The following SYNPR variants were observed in gnomAD, a reference collection of about 807,000 sequenced individuals.
The protein encoded by SYNPR is synaptoporin.
In SYNPR, 23 loss-of-function variants were observed where a neutral mutation model predicts 32.9. The observed-to-expected ratio is 0.70, with a 90% CI of 0.50 to 0.99. The LOEUF (loss-of-function observed/expected upper bound fraction) is 0.99. Ranked by LOEUF, SYNPR falls within the 50% of genes least tolerant of loss-of-function variation. The pLI is 0.00. For missense variants in SYNPR, 318 were observed against 349.3 expected, an observed-to-expected ratio of 0.91 and a Z score of 0.71; for synonymous variants, 146 against 135.9, an observed-to-expected ratio of 1.07 and a Z score of -0.52.
intron 1 of SYNPR, among the ~76,000 whole-genome samples, chr3:63,238,969 A>AAAGGAATGATT (rs1217118661): frequency 6.6e-6 from 1 of 152,162 alleles, no homozygotes; most frequent in Non-Finnish European, 1.5e-5. Context: ...TTTAAAAAAT[A>AAAGGAATGATT]AAGGAATTAG....
chr3:63,262,736 G>C (rs2086449679), intron 2 of SYNPR, among the ~76,000 whole-genome samples: 1 of 152,126 alleles, frequency 6.6e-6, no homozygotes, highest in Non-Finnish European at 1.5e-5. Context: ...CCAAAGTCCA[G>C]AGCCAAGTAG....
At chr3:63,507,747 G>T (rs1006031191) in intron 3 of SYNPR, among the ~76,000 whole-genome samples, 1 of 152,002 alleles carries the variant, frequency 6.6e-6, no homozygotes, top group Non-Finnish European at 1.5e-5. Context: ...TATCACCTCC[G>T]TGATTTTTGC....
chr3:63,345,653 CAACCAGAGCCA>C (rs1480758976), intron 2 of SYNPR, among the ~76,000 whole-genome samples: 1 of 152,150 alleles, frequency 6.6e-6, no homozygotes, highest in Non-Finnish European at 1.5e-5. Flanking sequence ...ACTCCAACCC[CAACCAGAGCCA>C]AGCCAAAGCC....
At position 63,254,786 on chromosome 3, in the gene SYNPR, G is replaced by C. The variant is rs187755575; in HGVS notation, n.154+2200G>C. On this transcript the variant is annotated intron_variant and non_coding_transcript_variant, in intron 2 of 4. Coordinates refer to the SYNPR transcript ENST00000478456. Reference sequence around the variant, plus strand: ...TGTATTTGGACACAGAGTCTTTAAAGAGGTAATTAAGTTATGTATAATTTA... The same window carrying C: ...TGTATTTGGACACAGAGTCTTTAAACAGGTAATTAAGTTATGTATAATTTA... Among the ~76,000 whole-genome samples, 430 of 152,296 alleles carry C rather than the reference G, an allele frequency of 2.8e-3. 1 individual carries two copies. Among genetic ancestry groups the C allele is most frequent in the Non-Finnish European group, 4.9e-3 (334 of 68,026 alleles).
rs545894723 is a variant in SYNPR at position 63,465,843 on chromosome 3, A to G, written c.85-14989A>G. On this transcript the variant is annotated intron_variant, in intron 2 of 5. Coordinates refer to ENST00000478300, the MANE Select transcript of SYNPR (RefSeq NM_001130003.2). ...ATCTCATATTTTTATAGTTTATTGA[A>G]TCTAAATTTTTTTTTTAATTCACAC... Among the ~76,000 whole-genome samples the G allele has an allele frequency of 1.2e-4, 18 of 152,312 alleles. No individual in the cohort carries two copies. In the South Asian group the frequency reaches 3.7e-3, roughly 32 times the overall value.
rs35963299 is a variant in SYNPR at position 63,272,510 on chromosome 3, A to ATTT, written n.287+5076_287+5078dup. On this transcript the variant is annotated intron_variant and non_coding_transcript_variant, in intron 3 of 4. Transcript: ENST00000478456. ...AAACTGACCCAATCGTTCCATGGGC[A>ATTT]TTTTTTTTTTTTTTTTTGGATAAAC... 4.0e-4 allele frequency among the ~76,000 whole-genome samples: 55 copies of ATTT among 136,310 alleles called. 1 individual carries two copies. Among genetic ancestry groups the ATTT allele is most frequent in the African/African-American group, 8.3e-4 (31 of 37,330 alleles). 89.4% of individuals were successfully genotyped at this position (136,310 alleles called of 152,430 possible). A position where few individuals can be genotyped will look rare whatever the true frequency, so the allele number is the denominator to read the frequency against.
chr3:63,440,499 G>A (rs1700150885), intron 2 of SYNPR, among the ~76,000 whole-genome samples: 1 of 152,144 alleles, frequency 6.6e-6, no homozygotes, highest in Non-Finnish European at 1.5e-5. Flanking sequence ...TGAAAGCAGT[G>A]AGACCTAAAG....
intron 3 of SYNPR, among the ~76,000 whole-genome samples, chr3:63,510,991 T>C (rs767056832): frequency 6.6e-6 from 1 of 150,926 alleles, no homozygotes; most frequent in Non-Finnish European, 1.5e-5. Flanking sequence ...CTCCTGCATC[T>C]GATTATGTGG....
intron 3 of SYNPR, among the ~76,000 whole-genome samples, chr3:63,539,866 G>A (rs1217786572): frequency 1.3e-5 from 2 of 152,132 alleles, no homozygotes; most frequent in Non-Finnish European, 2.9e-5. Flanking sequence ...ACAGAGGGCA[G>A]AGAGGCTGGG....
chr3:63,615,134 C>G (rs1002996454), intron 5 of SYNPR, 90 bp from the exon 6 acceptor site: 4 of 1,438,236 alleles, frequency 2.8e-6, no homozygotes, highest in Non-Finnish European at 2.8e-6. Context: ...GAAAAGTGAT[C>G]TTTTGTATTG....
At chr3:63,458,959 C>T (rs1440486108) in intron 2 of SYNPR, among the ~76,000 whole-genome samples, 1 of 152,040 alleles carries the variant, frequency 6.6e-6, no homozygotes, top group African/African-American at 2.4e-5. Flanking sequence ...GCCAAAACCA[C>T]CAAATGCTAT....
chr3:63,480,206 A>G (rs1470361948), intron 2 of SYNPR, among the ~76,000 whole-genome samples: 1 of 152,126 alleles, frequency 6.6e-6, no homozygotes, highest in African/African-American at 2.4e-5. Context: ...TAACTGTTGA[A>G]ACTTTTAATA....
At chr3:63,429,118 T>C (rs968865753) in intron 2 of SYNPR, among the ~76,000 whole-genome samples, 10 of 152,204 alleles carry the variant, frequency 6.6e-5, no homozygotes, top group African/African-American at 2.2e-4. Context: ...TCTTTGTATG[T>C]TTGTTATTTC....
chr3:63,331,551 C>T (rs775356287), intron 2 of SYNPR, among the ~76,000 whole-genome samples: 58 of 152,052 alleles, frequency 3.8e-4, no homozygotes, highest in African/African-American at 1.1e-3. Context: ...TATCTTTATA[C>T]TAACGCTTTG....
chr3:63,593,579 T>G lies in SYNPR; in HGVS notation c.409-15546T>G, dbSNP rs149530954. ...GCCACCACAGATTAATTGATAAAGT[T>G]TTCTGGGAACAGTCTAGAAAAGAAA... On this transcript the variant is annotated intron_variant, in intron 4 of 5. Coordinates refer to ENST00000478300, the MANE Select transcript of SYNPR (RefSeq NM_001130003.2). Among the ~76,000 whole-genome samples the G allele has an allele frequency of 1.8e-4, 27 of 152,252 alleles. 1 individual carries two copies. The East Asian group carries it at 3.1e-3, about 17-fold the overall frequency.
intron 2 of SYNPR, among the ~76,000 whole-genome samples, chr3:63,477,213 G>A (rs774727977): frequency 9.9e-5 from 15 of 152,080 alleles, no homozygotes; most frequent in Non-Finnish European, 1.6e-4. Flanking sequence ...TCAGGCCCCT[G>A]GAGAGCCTCC....
At chr3:63,528,829 C>T (rs1189772885) in intron 3 of SYNPR, among the ~76,000 whole-genome samples, 2 of 152,136 alleles carry the variant, frequency 1.3e-5, no homozygotes, top group Non-Finnish European at 2.9e-5. Flanking sequence ...TGGTGCAATT[C>T]TGTTTCCTCT....
At chr3:63,429,892 T>C (rs747719526) in intron 2 of SYNPR, among the ~76,000 whole-genome samples, 3 of 152,332 alleles carry the variant, frequency 2.0e-5, no homozygotes, top group East Asian at 3.9e-4. Context: ...CTTGGCTTCT[T>C]CTAATATGCT....
At chr3:63,353,183 C>G (rs184953204) in intron 2 of SYNPR, among the ~76,000 whole-genome samples, 3 of 152,166 alleles carry the variant, frequency 2.0e-5, no homozygotes, top group Middle Eastern at 6.3e-3. Context: ...CTGCCAAGTG[C>G]CAGGCAGTGT....
Sources: allele counts gnomAD v4.1 joint callset (sites outside exome capture counted in the v4.1 genomes callset), GRCh38; gene constraint gnomAD v4.1.1; transcripts MANE v1.5; gene names NCBI Gene and HGNC (gene_info 2026-07-23, HGNC 2026-07-21).